The following NELL1 variants were observed in gnomAD, a reference collection of about 807,000 sequenced individuals.
NELL1 encodes the protein neural EGFL like 1.
In NELL1, 76 loss-of-function variants were observed where a neutral mutation model predicts 107.4. The ratio of observed to expected loss-of-function variants is 0.71; its 90% confidence interval spans 0.59 to 0.86. NELL1 has a LOEUF of 0.86. Ranked by LOEUF, NELL1 falls within the 40% of genes least tolerant of loss-of-function variation. The pLI, the probability that NELL1 is intolerant of heterozygous loss-of-function variation, is 0.00. For missense variants in NELL1, 1,024 were observed against 1,005.5 expected (o/e 1.02, Z -0.25); for synonymous variants, 353 against 341.2 (o/e 1.03, Z -0.38).
intron 15 of NELL1, among the ~76,000 whole-genome samples, chr11:21,516,719 T>C (rs1271594435): frequency 6.7e-6 from 1 of 149,606 alleles, no homozygotes; most frequent in African/African-American, 2.5e-5. Flanking sequence ...ACATGGTCTG[T>C]CAATCACACA....
intron 15 of NELL1, among the ~76,000 whole-genome samples, chr11:21,530,883 G>A (rs1437370595): frequency 1.3e-5 from 2 of 152,030 alleles, no homozygotes; most frequent in Non-Finnish European, 2.9e-5. Context: ...CAATCTACCA[G>A]TCATTTATTT....
chr11:21,543,714 G>T (rs540367674), intron 16 of NELL1, among the ~76,000 whole-genome samples: 1 of 151,892 alleles, frequency 6.6e-6, no homozygotes, highest in East Asian at 1.9e-4. Flanking sequence ...TAGCATGTGG[G>T]CTAAATTGGA....
chr11:21,574,320 C>T (rs183571239), intron 19 of NELL1, among the ~76,000 whole-genome samples: 6 of 151,588 alleles, frequency 4.0e-5, no homozygotes, highest in Non-Finnish European at 8.9e-5. Flanking sequence ...ACTATCAGAC[C>T]TCATATAGAA....
At chr11:21,472,592 A>T (rs1170961791) in intron 15 of NELL1, among the ~76,000 whole-genome samples, 2 of 151,992 alleles carry the variant, frequency 1.3e-5, no homozygotes, top group East Asian at 1.9e-4. Context: ...AGAAAGAAGG[A>T]TTAGTCTAAT....
intron 14 of NELL1, among the ~76,000 whole-genome samples, chr11:21,239,007 G>A (rs925477068): frequency 5.3e-5 from 8 of 152,102 alleles, no homozygotes; most frequent in Non-Finnish European, 5.9e-5. Flanking sequence ...GTTACTTCAC[G>A]TGACTGTAAA....
chr11:20,903,684 C>A (rs997699012), intron 5 of NELL1, among the ~76,000 whole-genome samples: 9 of 152,042 alleles, frequency 5.9e-5, no homozygotes, highest in African/African-American at 2.2e-4. Context: ...CTTTAGATTG[C>A]ATACAAATAT....
intron 13 of NELL1, chr11:21,170,021 A>T: frequency 2.5e-6 from 3 of 1,210,542 alleles, no homozygotes; most frequent in Non-Finnish European, 2.5e-6. Flanking sequence ...AGATGTGGAC[A>T]GGGTTGTCAT....
At chr11:20,961,668 T>C (rs1334652857) in intron 12 of NELL1, among the ~76,000 whole-genome samples, 2 of 152,114 alleles carry the variant, frequency 1.3e-5, no homozygotes, top group East Asian at 3.9e-4. Context: ...GACTTATACA[T>C]GGATTTTTTT....
chr11:21,458,176 C>G (rs1186462273), intron 15 of NELL1, among the ~76,000 whole-genome samples: 1 of 152,164 alleles, frequency 6.6e-6, no homozygotes, highest in Admixed American at 6.5e-5. Flanking sequence ...TTGTAAGAAC[C>G]AGTAGAGAGG....
chr11:21,466,180 T>A (rs1854024997), intron 15 of NELL1, among the ~76,000 whole-genome samples: 1 of 152,108 alleles, frequency 6.6e-6, no homozygotes, highest in Non-Finnish European at 1.5e-5. Context: ...GCCGACTTAT[T>A]TTTCCTTCCA....
At chr11:21,010,416 G>A (rs930856718) in intron 12 of NELL1, among the ~76,000 whole-genome samples, 4 of 152,030 alleles carry the variant, frequency 2.6e-5, no homozygotes, top group Non-Finnish European at 5.9e-5. Context: ...ATACAATAGA[G>A]CTAGGATCAA....
intron 13 of NELL1, among the ~76,000 whole-genome samples, chr11:21,146,020 C>T (rs554360800): frequency 6.6e-6 from 1 of 152,140 alleles, no homozygotes; most frequent in Non-Finnish European, 1.5e-5. Context: ...GCTTCTGCCT[C>T]CCTTGGACAA....
chr11:20,807,068 TG>T (rs1857400367), intron 3 of NELL1, among the ~76,000 whole-genome samples: 1 of 151,768 alleles, frequency 6.6e-6, no homozygotes, highest in Non-Finnish European at 1.5e-5. Flanking sequence ...TTTTTTTTTT[TG>T]TTGGGGTCAT....
chr11:20,970,550 A>G (rs555922835), intron 12 of NELL1, among the ~76,000 whole-genome samples: 3 of 152,316 alleles, frequency 2.0e-5, no homozygotes, highest in East Asian at 1.9e-4. Flanking sequence ...CATTCTGCCA[A>G]TAGGAGTCAG....
intron 12 of NELL1, among the ~76,000 whole-genome samples, chr11:21,050,238 A>G (rs986332756): frequency 1.3e-5 from 2 of 151,756 alleles, no homozygotes; most frequent in African/African-American, 4.9e-5. Context: ...TATGTGAAGA[A>G]ACTGAAAAAG....
chr11:20,926,235 C>T (rs571266303), intron 7 of NELL1, among the ~76,000 whole-genome samples: 1 of 152,150 alleles, frequency 6.6e-6, no homozygotes, highest in African/African-American at 2.4e-5. Flanking sequence ...TATCAAAGTG[C>T]TGTATTTAGG....
chr11:20,830,629 C>T (rs1487228944), intron 3 of NELL1, among the ~76,000 whole-genome samples: 1 of 152,126 alleles, frequency 6.6e-6, no homozygotes, highest in Non-Finnish European at 1.5e-5. Flanking sequence ...TGTCACCACA[C>T]CTGACTCCTG....
rs368080806 is a variant in NELL1 at position 20,834,530 on chromosome 11, A to G, written c.336-13053A>G. ...CTCCTGGCTAACATGGTGAAACCCC[A>G]TCTCTACTAAACATACAAAAAAATT... On this transcript the variant is annotated intron_variant, in intron 3 of 19. Transcript: ENST00000357134. Among the ~76,000 whole-genome samples the G allele has an allele frequency of 2.4e-3, 361 of 152,052 alleles. 1 individual carries two copies. Among genetic ancestry groups the G allele is most frequent in the African/African-American group, 8.5e-3 (351 of 41,486 alleles).
intron 10 of NELL1, among the ~76,000 whole-genome samples, chr11:20,944,335 T>A (rs537900830): frequency 2.8e-4 from 42 of 152,106 alleles, no homozygotes; most frequent in South Asian, 6.2e-4. Flanking sequence ...ACATAATTTT[T>A]AAAAAAAAAT....
Sources: gnomAD v4.1 joint callset for allele counts (sites outside exome capture counted in the v4.1 genomes callset) on GRCh38, gnomAD v4.1.1 for gene constraint, MANE v1.5 for transcripts, NCBI Gene and HGNC (gene_info 2026-07-23, HGNC 2026-07-21) for gene names.